The following DGKB variants were observed in gnomAD, a reference collection of about 807,000 sequenced individuals.
The protein encoded by DGKB is 90 kDa diacylglycerol kinase.
DGKB carries 67 observed loss-of-function variants against 114.3 expected under a neutral mutation model. The observed-to-expected ratio is 0.59, with a 90% CI of 0.48 to 0.72. DGKB has a LOEUF of 0.72. Ranked by LOEUF, DGKB falls within the 30% of genes least tolerant of loss-of-function variation. DGKB has a pLI of 0.00. For missense variants in DGKB, 907 were observed against 975.2 expected, an observed-to-expected ratio of 0.93 and a Z score of 0.93; for synonymous variants, 398 against 323.1, an observed-to-expected ratio of 1.23 and a Z score of -2.49.
rs1229872976 is a variant in DGKB, at chr7:14,769,103, AAGAAAGAAAGAAAGAAAGAAAGAG to A, written c.71-11396_71-11373del. 4.7e-3 allele frequency among the ~76,000 whole-genome samples: 601 copies of A among 129,210 alleles called. 7 individuals carry two copies. Among genetic ancestry groups the A allele is most frequent in the African/African-American group, 0.015 (451 of 29,992 alleles). The allele number at this position is 129,210 out of a possible 152,430, so 84.8% of individuals were successfully genotyped here. A position where few individuals can be genotyped will look rare whatever the true frequency, so the allele number is the denominator to read the frequency against. ...AAAGAAAGAAAGAAAGAAAGAAAGA[AAGAAAGAAAGAAAGAAAGAAAGAG>A]AGAGAGAGAAAGAAAGAAAGAAAGA... On this transcript the variant is annotated intron_variant, in intron 2 of 25. Coordinates refer to ENST00000402815, the MANE Select transcript of DGKB (RefSeq NM_001350709.2).
chr7:14,289,143 C>A (rs992908660), intron 23 of DGKB, among the ~76,000 whole-genome samples: 2 of 151,692 alleles, frequency 1.3e-5, no homozygotes, highest in South Asian at 4.2e-4. Context: ...GGCAATTGAT[C>A]GACTTAATAT....
rs1164493208 is a variant in DGKB at position 14,409,713 on chromosome 7, CAAAAAAAAAA to C, written c.1836-64332_1836-64323del. 2.3e-5 allele frequency among the ~76,000 whole-genome samples: 2 copies of C among 88,310 alleles called. 1 individual carries two copies. The highest frequency in any genetic ancestry group is 8.4e-4 in the South Asian group (2 of 2,390). The allele number at this position is 88,310 out of a possible 152,430, so 57.9% of individuals were successfully genotyped here. On this transcript the variant is annotated intron_variant, in intron 21 of 25. Coordinates refer to ENST00000402815, the MANE Select transcript of DGKB (RefSeq NM_001350709.2). ...TGGGCGACAGAGCGAGACTCCGTCT[CAAAAAAAAAA>C]AAAAAAAAAAAAAAAAAAGTTGAAT...
At chr7:14,196,966 G>C (rs1785117441) in intron 23 of DGKB, among the ~76,000 whole-genome samples, 3 of 152,082 alleles carry the variant, frequency 2.0e-5, no homozygotes, top group Admixed American at 1.3e-4. Flanking sequence ...CAACATTCAT[G>C]ACTAATCGTA....
chr7:14,769,228 G>GAAAGAAAGAA (rs1554265922), intron 2 of DGKB, among the ~76,000 whole-genome samples: 21 of 119,688 alleles, frequency 1.8e-4, no homozygotes, highest in Admixed American at 4.6e-4. Flanking sequence ...GAAAGAGAGA[G>GAAAGAAAGAA]AGAAAGAAAG....
intron 1 of DGKB, among the ~76,000 whole-genome samples, chr7:14,973,177 A>G (rs1005262632): frequency 6.6e-6 from 1 of 151,978 alleles, no homozygotes; most frequent in Non-Finnish European, 1.5e-5. Flanking sequence ...CCCGTCTTGA[A>G]GTTTCTACAT....
intron 6 of DGKB, among the ~76,000 whole-genome samples, chr7:14,709,446 C>T (rs1280998088): frequency 9.9e-5 from 12 of 121,250 alleles, no homozygotes; most frequent in African/African-American, 3.5e-4. Context: ...TACCATTTGA[C>T]CCAGCCATCC....
chr7:14,697,774 A>AAGAAAGAAAGAAAGAAAG (rs1824264054), intron 8 of DGKB, among the ~76,000 whole-genome samples: 1 of 121,858 alleles, frequency 8.2e-6, no homozygotes, highest in Non-Finnish European at 1.8e-5. Flanking sequence ...GAAAGAAACA[A>AAGAAAGAAAGAAAGAAAG]AGAGAAAGAA....
chr7:14,696,776 A>G (rs1312575359), intron 8 of DGKB, among the ~76,000 whole-genome samples: 4 of 152,166 alleles, frequency 2.6e-5, no homozygotes, highest in Non-Finnish European at 5.9e-5. Context: ...ACAAATGACA[A>G]CCTGTTAATG....
At chr7:14,482,031 G>A (rs1783062243) in intron 20 of DGKB, among the ~76,000 whole-genome samples, 1 of 151,778 alleles carries the variant, frequency 6.6e-6, no homozygotes, top group Non-Finnish European at 1.5e-5. Context: ...ATTTATCTCT[G>A]TATATTAAAT....
chr7:14,233,406 G>A lies in DGKB; in HGVS notation c.2123-55255C>T, dbSNP rs79261688. Reference sequence around the variant, plus strand: ...CTTTGTAAAGCAATATTTCATGCCAGTGTCCTTTGTTCTTGCCTATAAATT... The same window carrying A: ...CTTTGTAAAGCAATATTTCATGCCAATGTCCTTTGTTCTTGCCTATAAATT... On this transcript the variant is annotated intron_variant, in intron 23 of 25. Coordinates refer to ENST00000402815, the MANE Select transcript of DGKB (RefSeq NM_001350709.2). 9.1e-4 allele frequency among the ~76,000 whole-genome samples: 138 copies of A among 152,116 alleles called. 3 individuals carry two copies. The East Asian group carries it at 0.025, about 28-fold the overall frequency.
At chr7:14,342,080 A>T (rs2128584229) in intron 22 of DGKB, among the ~76,000 whole-genome samples, 1 of 152,004 alleles carries the variant, frequency 6.6e-6, no homozygotes, top group South Asian at 2.1e-4. Context: ...TCTGTTTTCC[A>T]GGTTACTGAG....
intron 21 of DGKB, among the ~76,000 whole-genome samples, chr7:14,374,351 C>T (rs1202345973): frequency 6.6e-6 from 1 of 152,144 alleles, no homozygotes; most frequent in Non-Finnish European, 1.5e-5. Context: ...AAACCTTTCC[C>T]CTCTCCCCAT....
chr7:14,658,600 T>A (rs1175584355), intron 13 of DGKB, among the ~76,000 whole-genome samples: 1 of 151,866 alleles, frequency 6.6e-6, no homozygotes, highest in African/African-American at 2.4e-5. Flanking sequence ...AATGAAATAC[T>A]CAAGGTGATG....
chr7:14,372,219 T>C lies in DGKB; in HGVS notation c.1836-26828A>G, dbSNP rs77972453. On this transcript the variant is annotated intron_variant, in intron 21 of 25. Coordinates refer to ENST00000402815, the MANE Select transcript of DGKB (RefSeq NM_001350709.2). ...CACCTACCCGGGCTTCAATCACGTT[T>C]ATCAGCCAGATGCTACCACGGGAGC... Among the ~76,000 whole-genome samples the C allele has an allele frequency of 6.0e-3, 919 of 152,258 alleles. 11 individuals carry two copies. Among genetic ancestry groups the C allele is most frequent in the African/African-American group, 0.02 (851 of 41,558 alleles).
chr7:14,233,843 C>A (rs1040586031), intron 23 of DGKB, among the ~76,000 whole-genome samples: 13 of 152,016 alleles, frequency 8.6e-5, no homozygotes, highest in African/African-American at 3.1e-4. Flanking sequence ...CCACTCCACA[C>A]CTACTCCCCA....
At chr7:14,784,457 T>A (rs1839582906) in intron 2 of DGKB, among the ~76,000 whole-genome samples, 1 of 149,276 alleles carries the variant, frequency 6.7e-6, no homozygotes, top group Non-Finnish European at 1.5e-5. Flanking sequence ...AGCCTCTGCC[T>A]CCCAGTTTCC....
rs1185649145 is a variant in DGKB, at chr7:14,613,375, A to G, written c.1323T>C (p.Phe441=). The change falls in exon 16 of 26, where the codon TTT becomes TTC. Residue 441 remains phenylalanine (F), a synonymous_variant. Coordinates refer to ENST00000402815, the MANE Select transcript of DGKB (RefSeq NM_001350709.2). ...GTTTTCCACCACTTTTGGGGTTCAC[A>G]AAAACTAAAAGTGGGTGAGTACCAG... The part of the protein sequence containing the change: ...PVPGTHPLLV[F]VNPKSGGKQG... 2.5e-6 allele frequency: 4 copies of G among 1,571,400 alleles called. No individual in the cohort carries two copies. The highest frequency in any genetic ancestry group is 1.4e-5 in the African/African-American group (1 of 73,904).
intron 2 of DGKB, among the ~76,000 whole-genome samples, chr7:14,839,199 AC>A (rs1847571323): frequency 6.6e-6 from 1 of 152,114 alleles, no homozygotes; most frequent in African/African-American, 2.4e-5. Context: ...CTCCTGCAGC[AC>A]CAAGCAGAAA....
At chr7:14,562,598 G>A (rs1387237950) in intron 20 of DGKB, among the ~76,000 whole-genome samples, 1 of 152,172 alleles carries the variant, frequency 6.6e-6, no homozygotes, top group Admixed American at 6.5e-5. Flanking sequence ...TGTGAGACAT[G>A]GAGTAAAAGG....
Sources: gnomAD v4.1 joint callset for allele counts (sites outside exome capture counted in the v4.1 genomes callset) on GRCh38, gnomAD v4.1.1 for gene constraint, MANE v1.5 for transcripts, NCBI Gene and HGNC (gene_info 2026-07-23, HGNC 2026-07-21) for gene names.